Variants in EEIG2 observed in about 807,000 individuals in gnomAD.
The protein encoded by EEIG2 is family with sequence similarity 102 member B.
chr1:108,596,203 A>G, the EEIG2 span, among the ~76,000 whole-genome samples: 3 of 152,060 alleles, frequency 2.0e-5, no homozygotes, highest in South Asian at 6.2e-4. Flanking sequence ...ATTAGGAAAA[A>G]AAGGCATCTA....
chr1:108,595,340 A>C, the EEIG2 span, among the ~76,000 whole-genome samples: 2 of 142,858 alleles, frequency 1.4e-5, no homozygotes, highest in Admixed American at 1.4e-4. Context: ...GGAAGGAAGG[A>C]AGGAAAATGT....
the EEIG2 span, among the ~76,000 whole-genome samples, chr1:108,587,628 G>C: frequency 6.6e-6 from 1 of 152,032 alleles, no homozygotes; most frequent in South Asian, 2.1e-4. Context: ...GCACAGTTTT[G>C]CCTTTTCCAG....
At chr1:108,564,365 T>C in the EEIG2 span, among the ~76,000 whole-genome samples, 1 of 152,222 alleles carries the variant, frequency 6.6e-6, no homozygotes, top group Non-Finnish European at 1.5e-5. Context: ...AAGTGACTGA[T>C]AAATGATAAT....
chr1:108,573,727 G>A, the EEIG2 span, among the ~76,000 whole-genome samples: 1 of 152,102 alleles, frequency 6.6e-6, no homozygotes, highest in Non-Finnish European at 1.5e-5. Flanking sequence ...GACTTGAATA[G>A]ACATTTCTCC....
the EEIG2 span, among the ~76,000 whole-genome samples, chr1:108,566,032 A>G: frequency 3.9e-5 from 6 of 152,086 alleles, no homozygotes; most frequent in Non-Finnish European, 1.5e-5. Context: ...CCCCCACACA[A>G]CTATCACATA....
At chr1:108,614,807 A>G in the EEIG2 span, among the ~76,000 whole-genome samples, 3 of 152,254 alleles carry the variant, frequency 2.0e-5, no homozygotes, top group Non-Finnish European at 4.4e-5. Flanking sequence ...AAAGACAAAA[A>G]TTAACCTCTC....
chr1:108,601,078 G>A, the EEIG2 span, among the ~76,000 whole-genome samples: 5 of 151,908 alleles, frequency 3.3e-5, no homozygotes, highest in Admixed American at 2.0e-4. Flanking sequence ...GGAAAACCAG[G>A]GCTCAGAGAA....
At chr1:108,610,696 T>G in the EEIG2 span, among the ~76,000 whole-genome samples, 1 of 152,026 alleles carries the variant, frequency 6.6e-6, no homozygotes, top group African/African-American at 2.4e-5. Context: ...TTTGGGAGAC[T>G]AAGGCAGGCG....
chr1:108,616,265 C>A, the EEIG2 span: 1 of 729,168 alleles, frequency 1.4e-6, no homozygotes. Context: ...GTGGATATAA[C>A]CCAATTCAAC....
chr1:108,622,594 A>C, the EEIG2 span, among the ~76,000 whole-genome samples: 5 of 152,162 alleles, frequency 3.3e-5, no homozygotes, highest in Non-Finnish European at 5.9e-5. Flanking sequence ...CAAGAAGAAA[A>C]CAGTTTTGGG....
At chr1:108,631,982 C>T in the EEIG2 span, among the ~76,000 whole-genome samples, 5 of 151,596 alleles carry the variant, frequency 3.3e-5, no homozygotes, top group East Asian at 1.9e-4. Context: ...GGTGTGGTGG[C>T]GGGCGCCTGT....
the EEIG2 span, among the ~76,000 whole-genome samples, chr1:108,595,891 GTTTCT>G: frequency 4.2e-3 from 634 of 152,160 alleles, 2 homozygotes; most frequent in African/African-American, 0.015. Context: ...GTATGTGAAT[GTTTCT>G]TTTAAGAAAC....
At chr1:108,601,933 C>T in the EEIG2 span, among the ~76,000 whole-genome samples, 1 of 152,126 alleles carries the variant, frequency 6.6e-6, no homozygotes, top group African/African-American at 2.4e-5. Flanking sequence ...GGAATGAGTT[C>T]CTGCCCCCAG....
the EEIG2 span, among the ~76,000 whole-genome samples, chr1:108,609,467 T>C: frequency 2.0e-5 from 3 of 152,036 alleles, no homozygotes; most frequent in Admixed American, 6.6e-5. Context: ...GGATGTGATA[T>C]AGGATGGTCA....
At chr1:108,580,849 A>G in the EEIG2 span, among the ~76,000 whole-genome samples, 5 of 152,212 alleles carry the variant, frequency 3.3e-5, no homozygotes, top group African/African-American at 1.2e-4. Context: ...GTGCTAAAGT[A>G]AGAGCGCAGC....
At chr1:108,564,871 C>T in the EEIG2 span, among the ~76,000 whole-genome samples, 7 of 151,856 alleles carry the variant, frequency 4.6e-5, no homozygotes, top group Non-Finnish European at 7.4e-5. Context: ...CGCTTGAACC[C>T]GGGAGGCAGA....
the EEIG2 span, among the ~76,000 whole-genome samples, chr1:108,617,034 A>T: frequency 6.6e-6 from 1 of 152,168 alleles, no homozygotes; most frequent in Non-Finnish European, 1.5e-5. Context: ...CACTGGCATT[A>T]GGGGGAAGAG....
At chr1:108,637,761 T>C in the EEIG2 span, 1 of 152,430 alleles carries the variant, frequency 6.6e-6, no homozygotes, top group African/African-American at 2.4e-5. Context: ...AGAAGAGTCT[T>C]AAACATCTTG....
At chr1:108,611,610 A>C in the EEIG2 span, among the ~76,000 whole-genome samples, 1 of 152,244 alleles carries the variant, frequency 6.6e-6, no homozygotes, top group Admixed American at 6.5e-5. Flanking sequence ...GAAGGTAGTG[A>C]AAGAGAAGGC....
Sources: gnomAD v4.1 joint callset for allele counts (sites outside exome capture counted in the v4.1 genomes callset) on GRCh38, gnomAD v4.1.1 for gene constraint, MANE v1.5 for transcripts, NCBI Gene and HGNC (gene_info 2026-07-23, HGNC 2026-07-21) for gene names.